SYNJ2: variants seen among roughly 807,000 people sequenced by gnomAD.
The protein encoded by SYNJ2 is synaptojanin 2.
In SYNJ2, 116 loss-of-function variants were observed where a neutral mutation model predicts 141.3. That is an observed-to-expected ratio of 0.82 (90% CI 0.71 to 0.96). The LOEUF (loss-of-function observed/expected upper bound fraction) is 0.96. Among genes scored for constraint, SYNJ2 ranks in the 40% least tolerant of loss-of-function variants. SYNJ2 has a pLI of 0.00. For synonymous variants in SYNJ2, 745 were observed against 777.7 expected, an observed-to-expected ratio of 0.96 and a Z score of 0.70; for missense variants, 1,873 against 1,934.8, an observed-to-expected ratio of 0.97 and a Z score of 0.60.
chr6:158,069,936 A>G (rs1182813358), intron 14 of SYNJ2, among the ~76,000 whole-genome samples: 1 of 152,250 alleles, frequency 6.6e-6, no homozygotes, highest in Non-Finnish European at 1.5e-5. Flanking sequence ...TCATCGCCCA[A>G]GCTCAATTCC....
In SYNJ2 at chr6:158,096,498, T is replaced by G; in HGVS notation, c.*134T>G. 1 of 1,077,986 alleles carries G rather than the reference T, an allele frequency of 9.3e-7. No individual in the cohort carries two copies. The allele number at this position is 1,077,986 out of a possible 1,614,324, so 66.8% of individuals were successfully genotyped here. ...GTGCATCTGTCACTCTCGTGTAGTT[T>G]ACAAAAATCGTGTCTCTTATTCAGT... On this transcript the variant is annotated 3_prime_UTR_variant, in exon 27 of 27. Coordinates refer to ENST00000355585, the MANE Select transcript of SYNJ2 (RefSeq NM_003898.4).
In SYNJ2 at chr6:158,096,175, A is replaced by G. The variant is rs778262722; in HGVS notation, c.4302A>G (p.Ser1434=). Residue 1434 remains serine (S), a synonymous_variant, in exon 27 of 27, where the codon TCA becomes TCG. Coordinates refer to ENST00000355585, the MANE Select transcript of SYNJ2 (RefSeq NM_003898.4). ...LLNNTWLSKS[S]DPLDSGTRSP... ...ATAACACTTGGCTTTCTAAGAGCTC[A>G]GACCCTTTGGACTCAGGAACCAGGA... 2 of 1,614,148 alleles carry G rather than the reference A, an allele frequency of 1.2e-6. No individual in the cohort carries two copies. Among genetic ancestry groups the G allele is most frequent in the East Asian group, 2.2e-5 (1 of 44,904 alleles).
At chr6:158,030,846 G>C (rs1779323925) in intron 3 of SYNJ2, 1 of 152,302 alleles carries the variant, frequency 6.6e-6, no homozygotes, top group Non-Finnish European at 1.5e-5. Flanking sequence ...AGTGAGCCGA[G>C]ATCGCACCAT....
At chr6:158,063,948 C>A (rs1781392723) in intron 9 of SYNJ2, 76 bp downstream of exon 9, 2 of 1,483,720 alleles carry the variant, frequency 1.3e-6, no homozygotes, top group African/African-American at 1.4e-5. Context: ...GGGCTGAGCA[C>A]CTTTAGCGGC....
At chr6:158,048,356 G>A (rs1478297460) in intron 5 of SYNJ2, among the ~76,000 whole-genome samples, 1 of 152,138 alleles carries the variant, frequency 6.6e-6, no homozygotes, top group African/African-American at 2.4e-5. Flanking sequence ...GTAACCCTTG[G>A]GTTCACAGTG....
At chr6:158,028,466 G>C (rs1433706850) in intron 2 of SYNJ2, 1 of 467,228 alleles carries the variant, frequency 2.1e-6, no homozygotes, top group Non-Finnish European at 3.9e-6. Flanking sequence ...TTAAAGCAAA[G>C]CTTGCCCCCA....
At chr6:158,083,086 C>A (rs1360019679) in intron 20 of SYNJ2, among the ~76,000 whole-genome samples, 2 of 152,128 alleles carry the variant, frequency 1.3e-5, no homozygotes, top group Non-Finnish European at 2.9e-5. Context: ...GCACTCACCA[C>A]CACGCCCAGC....
At chr6:158,029,831 G>A (rs563065113) in intron 3 of SYNJ2, among the ~76,000 whole-genome samples, 4 of 152,206 alleles carry the variant, frequency 2.6e-5, no homozygotes, top group Admixed American at 1.3e-4. Context: ...ATAATTATGC[G>A]GAGGCTCTGT....
Position 157,981,895 on chromosome 6 carries a change from C to G in SYNJ2, c.-67C>G. ...TGGCAAGTTGCGGGCGCGCGGGGAG[C>G]TGTCGCGGGCAGCGCGCCCTCGGGA... On this transcript the variant is annotated 5_prime_UTR_variant, in exon 1 of 27. Coordinates refer to ENST00000355585, the MANE Select transcript of SYNJ2 (RefSeq NM_003898.4). This position sits in a 1 kb window ranked among gnomAD's most constrained non-coding sequence, Gnocchi z 6.4. The G allele has an allele frequency of 8.3e-7, 1 of 1,203,010 alleles. No homozygotes were observed. The highest frequency in any genetic ancestry group is 4.2e-5 in the South Asian group (1 of 23,910). The allele number at this position is 1,203,010 out of a possible 1,614,324, so 74.5% of individuals were successfully genotyped here. A position where few individuals can be genotyped will look rare whatever the true frequency, so the allele number is the denominator to read the frequency against.
intron 1 of SYNJ2, among the ~76,000 whole-genome samples, chr6:157,999,752 C>G (rs1777766484): frequency 1.3e-5 from 2 of 152,306 alleles, no homozygotes; most frequent in South Asian, 4.2e-4. Flanking sequence ...TGGCAGGAGT[C>G]AGGGCAGGCA....
intron 7 of SYNJ2, among the ~76,000 whole-genome samples, chr6:158,060,227 G>C (rs1021674694): frequency 6.6e-6 from 1 of 152,136 alleles, no homozygotes; most frequent in African/African-American, 2.4e-5. Context: ...TTCCTTGGGG[G>C]GCTTTTCCTG....
intron 1 of SYNJ2, among the ~76,000 whole-genome samples, chr6:158,009,070 A>C (rs1398986849): frequency 1.3e-5 from 2 of 152,052 alleles, no homozygotes; most frequent in African/African-American, 4.8e-5. Flanking sequence ...TCCACTCTCC[A>C]TGCAGCCATC....
intron 18 of SYNJ2, chr6:158,078,488 C>T (rs1782465879): frequency 5.4e-6 from 2 of 369,326 alleles, no homozygotes; most frequent in Non-Finnish European, 9.8e-6. Context: ...AGCATTTTGT[C>T]ATTGCTCCAT....
chr6:158,002,606 A>G (rs147343967), intron 1 of SYNJ2, among the ~76,000 whole-genome samples: 3 of 152,334 alleles, frequency 2.0e-5, no homozygotes, highest in African/African-American at 7.2e-5. Flanking sequence ...GCAGCATGGA[A>G]GCCCCACTCC....
Position 158,028,919 on chromosome 6 carries a change from G to A in SYNJ2, c.378G>A (p.Ser126=), listed in dbSNP as rs368975166. Residue 126 remains serine, a synonymous_variant, in exon 3 of 27, where the codon TCG becomes TCA. Transcript: ENST00000355585. ...RLIALKKILS[S]GVFYFSWPND... ...TAGCTTTGAAGAAAATCCTCAGCTCGGGGGTGTTCTATTTCTCATGGCCAA... is the reference window on the plus strand; with the variant it reads ...TAGCTTTGAAGAAAATCCTCAGCTCAGGGGTGTTCTATTTCTCATGGCCAA... 2.7e-4 allele frequency: 441 copies of A among 1,614,060 alleles called. No individual in the cohort carries two copies. The highest frequency in any genetic ancestry group is 3.5e-4 in the Non-Finnish European group (418 of 1,180,032).
At chr6:157,991,531 T>C (rs1777425027) in intron 1 of SYNJ2, among the ~76,000 whole-genome samples, 1 of 152,182 alleles carries the variant, frequency 6.6e-6, no homozygotes, top group Non-Finnish European at 1.5e-5. Context: ...ATTTAGTTAA[T>C]TGCTCCGGGC....
chr6:158,093,248 A>G, intron 26 of SYNJ2, 144 bp downstream of exon 26: 1 of 881,440 alleles, frequency 1.1e-6, no homozygotes, highest in Non-Finnish European at 1.7e-6. Flanking sequence ...AGCCTGACCA[A>G]CATGGTGTGA....
chr6:158,085,297 A>G (rs1163950047), intron 22 of SYNJ2, among the ~76,000 whole-genome samples: 1 of 152,140 alleles, frequency 6.6e-6, no homozygotes, highest in Non-Finnish European at 1.5e-5. Flanking sequence ...CTGGAATTAC[A>G]GGTGTGAGCC....
chr6:158,063,987 C>G, intron 9 of SYNJ2, 115 bp downstream of exon 9: 1 of 1,070,728 alleles, frequency 9.3e-7, no homozygotes, highest in Non-Finnish European at 1.4e-6. Flanking sequence ...CCAAGACAAC[C>G]TTCTGACTAT....
Sources: gnomAD v4.1 joint callset for allele counts (sites outside exome capture counted in the v4.1 genomes callset) on GRCh38, gnomAD v4.1.1 for gene constraint, Gnocchi (gnomAD v3.1) non-coding constraint, MANE v1.5 for transcripts, NCBI Gene and HGNC (gene_info 2026-07-23, HGNC 2026-07-21) for gene names.